ADGRV1: variants seen among roughly 807,000 people sequenced by gnomAD.
The protein encoded by ADGRV1 is G-protein coupled receptor 98.
ADGRV1 carries 359 observed loss-of-function variants against 596.2 expected under a neutral mutation model. That is an observed-to-expected ratio of 0.60 (90% confidence interval 0.55 to 0.66). The LOEUF (loss-of-function observed/expected upper bound fraction) is 0.66. Ranked by LOEUF, ADGRV1 falls within the 30% of genes least tolerant of loss-of-function variation. ADGRV1 has a pLI of 0.00. For missense variants in ADGRV1, 7,274 were observed against 7,575.6 expected (o/e 0.96, Z 1.48); for synonymous variants, 2,681 against 2,679.2 (o/e 1.00, Z -0.02).
chr5:90,595,019 G>C (rs1760088247), intron 1 of ADGRV1, among the ~76,000 whole-genome samples: 3 of 145,218 alleles, frequency 2.1e-5, no homozygotes, highest in African/African-American at 8.0e-5. Flanking sequence ...CAGACGGGGT[G>C]GTGGCCGGGC....
At chr5:91,085,876 T>C (rs1399702529) in intron 86 of ADGRV1, among the ~76,000 whole-genome samples, 1 of 152,104 alleles carries the variant, frequency 6.6e-6, no homozygotes, top group South Asian at 2.1e-4. Context: ...TCTTGAAGAG[T>C]AGTTCATACA....
At chr5:90,576,472 C>A (rs1034294389) in intron 1 of ADGRV1, among the ~76,000 whole-genome samples, 7 of 152,120 alleles carry the variant, frequency 4.6e-5, no homozygotes, top group Non-Finnish European at 1.5e-5. Context: ...CATACTATTC[C>A]ATGGTGTATA....
chr5:90,571,402 T>C (rs1377480406), intron 1 of ADGRV1, among the ~76,000 whole-genome samples: 1 of 152,142 alleles, frequency 6.6e-6, no homozygotes, highest in Non-Finnish European at 1.5e-5. Context: ...TGCACAGCCT[T>C]ATACTTGTGT....
intron 83 of ADGRV1, among the ~76,000 whole-genome samples, chr5:90,904,957 A>G (rs1340511656): frequency 2.6e-5 from 4 of 151,766 alleles, no homozygotes; most frequent in African/African-American, 9.7e-5. Context: ...TGGCATATGG[A>G]TATCCAGTTT....
intron 1 of ADGRV1, among the ~76,000 whole-genome samples, chr5:90,594,351 G>T (rs913014869): frequency 7.9e-5 from 12 of 152,054 alleles, no homozygotes; most frequent in African/African-American, 2.9e-4. Flanking sequence ...CCTTCGCTCA[G>T]CACTTCTCTC....
intron 83 of ADGRV1, among the ~76,000 whole-genome samples, chr5:90,892,670 C>G (rs1459798190): frequency 6.6e-6 from 1 of 152,162 alleles, no homozygotes; most frequent in Non-Finnish European, 1.5e-5. Context: ...CCCCACTCTT[C>G]TATCTCCAGT....
At chr5:91,010,546 G>A (rs1782639815) in intron 85 of ADGRV1, among the ~76,000 whole-genome samples, 2 of 152,014 alleles carry the variant, frequency 1.3e-5, no homozygotes, top group African/African-American at 2.4e-5. Flanking sequence ...GAAATGAAAG[G>A]TTTTAGGCCA....
intron 1 of ADGRV1, among the ~76,000 whole-genome samples, chr5:90,612,983 T>A (rs1387530438): frequency 4.6e-5 from 7 of 152,100 alleles, no homozygotes; most frequent in African/African-American, 1.7e-4. Flanking sequence ...ACTCACTGAA[T>A]CAGAATTTTT....
intron 70 of ADGRV1, among the ~76,000 whole-genome samples, chr5:90,797,280 T>G (rs549631380): frequency 1.5e-4 from 4 of 26,472 alleles, no homozygotes; most frequent in Non-Finnish European, 2.3e-4. Flanking sequence ...ACCAAGCAAA[T>G]GAAAAGCAAA....
At chr5:90,734,047 T>C (rs1752898561) in intron 50 of ADGRV1, among the ~76,000 whole-genome samples, 1 of 152,238 alleles carries the variant, frequency 6.6e-6, no homozygotes, top group Non-Finnish European at 1.5e-5. Flanking sequence ...GCTTATTTAC[T>C]TGGCATAATG....
At chr5:90,993,694 T>G (rs1188335279) in intron 85 of ADGRV1, among the ~76,000 whole-genome samples, 1 of 152,196 alleles carries the variant, frequency 6.6e-6, no homozygotes, top group Non-Finnish European at 1.5e-5. Flanking sequence ...TCGTTGTCTT[T>G]GGCTTTCAAC....
chr5:90,883,643 T>G (rs1449999798), intron 83 of ADGRV1, among the ~76,000 whole-genome samples: 1 of 152,174 alleles, frequency 6.6e-6, no homozygotes, highest in Non-Finnish European at 1.5e-5. Flanking sequence ...TAACTGCTAC[T>G]TCTCTGTTTT....
In ADGRV1 at chr5:90,637,776, T is replaced by A. The variant is rs746030745; in HGVS notation, c.2068T>A (p.Trp690Arg). The A allele has an allele frequency of 1.2e-5, 20 of 1,613,602 alleles. No homozygotes were observed. Among genetic ancestry groups the A allele is most frequent in the Admixed American group, 1.7e-5 (1 of 59,906 alleles). Residue 690 changes from tryptophan (W) to arginine (R), a missense_variant, in exon 11 of 90, where the codon TGG becomes AGG. Physicochemically the swap from Trp to Arg is moderately radical, Grantham distance 101. This residue lies in a region of ADGRV1 where 1,715 missense variants were observed against 1,708.8 expected (regional missense o/e 1.00). Coordinates refer to ENST00000405460, the MANE Select transcript of ADGRV1 (RefSeq NM_032119.4). ...AACTGATGGCCAGGCTACTGTCTAC[T>A]GGAGTTTGAAGCCCTCTGGCTTTAA... Reference protein sequence around the residue: ...DGTDGQATVYWSLKPSGFNSK... With the variant: ...DGTDGQATVYRSLKPSGFNSK...
In ADGRV1 at chr5:90,642,699, A is replaced by G. The variant is rs368278365; in HGVS notation, c.2304A>G (p.Glu768=). The G allele has an allele frequency of 8.1e-6, 13 of 1,613,642 alleles. No individual in the cohort carries two copies. Among genetic ancestry groups the G allele is most frequent in the Non-Finnish European group, 1.1e-5 (13 of 1,179,618 alleles). ...CTAGCCGTGACCTAATTATTTTGGAAAATGATGACCCTGGGGGAGTTTTTG... is the reference window on the plus strand; with the variant it reads ...CTAGCCGTGACCTAATTATTTTGGAGAATGATGACCCTGGGGGAGTTTTTG... ...GYTSRDLIIL[E]NDDPGGVFEF... is the part of the protein sequence containing the mutation. Residue 768 remains glutamate (E), a synonymous_variant, in exon 12 of 90, where the codon GAA becomes GAG. Coordinates refer to ENST00000405460, the MANE Select transcript of ADGRV1 (RefSeq NM_032119.4).
At chr5:90,826,665 T>C (rs900035075) in intron 76 of ADGRV1, among the ~76,000 whole-genome samples, 3 of 151,950 alleles carry the variant, frequency 2.0e-5, no homozygotes, top group Admixed American at 6.6e-5. Flanking sequence ...GGGAATGCAA[T>C]GACTTGAGTA....
At chr5:90,778,764 G>A in intron 63 of ADGRV1, 101 bp from the exon 64 acceptor site, 1 of 1,115,746 alleles carries the variant, frequency 9.0e-7, no homozygotes, top group Non-Finnish European at 1.3e-6. Context: ...AACCTTATAT[G>A]TAATTTTAAC....
intron 70 of ADGRV1, among the ~76,000 whole-genome samples, chr5:90,800,207 A>G (rs1457648840): frequency 1.3e-5 from 2 of 152,250 alleles, no homozygotes; most frequent in Non-Finnish European, 2.9e-5. Flanking sequence ...TCCAGAATCT[A>G]CAAAGAACTT....
intron 83 of ADGRV1, among the ~76,000 whole-genome samples, chr5:90,898,759 A>G (rs933084812): frequency 6.6e-6 from 1 of 152,070 alleles, no homozygotes; most frequent in Middle Eastern, 3.2e-3. Context: ...AGCCTATGAA[A>G]CATAGTGAGA....
At chr5:90,821,419 G>C (rs1348696661) in intron 75 of ADGRV1, among the ~76,000 whole-genome samples, 1 of 151,784 alleles carries the variant, frequency 6.6e-6, no homozygotes, top group African/African-American at 2.4e-5. Flanking sequence ...CTCAGCTCGT[G>C]AAAGTCATTC....
Sources: gnomAD v4.1 joint callset for allele counts (sites outside exome capture counted in the v4.1 genomes callset) on GRCh38, gnomAD v4.1.1 for gene constraint, gnomAD v4.1.1 regional missense constraint, MANE v1.5 for transcripts, NCBI Gene and HGNC (gene_info 2026-07-23, HGNC 2026-07-21) for gene names.